The following OTOGL variants were observed in gnomAD, a reference collection of about 807,000 sequenced individuals.
The protein encoded by OTOGL is otogelin like, also known as otogelin-like protein.
In OTOGL, 285 loss-of-function variants were observed where a neutral mutation model predicts 318.5. The ratio of observed to expected loss-of-function variants is 0.89; its 90% CI spans 0.81 to 0.99. The LOEUF (loss-of-function observed/expected upper bound fraction) is 0.99, where lower values mean the gene tolerates loss of function less well. Ranked by LOEUF, OTOGL falls within the 50% of genes least tolerant of loss-of-function variation. The probability of loss-of-function intolerance (pLI) is 0.00; values close to 1 mark genes in which losing one functional copy is unlikely to be tolerated. For missense variants in OTOGL, 2,899 were observed against 2,845.6 expected, an observed-to-expected ratio of 1.02 and a Z score of -0.43; for synonymous variants, 987 against 936.5, an observed-to-expected ratio of 1.05 and a Z score of -0.99.
intron 1 of OTOGL, among the ~76,000 whole-genome samples, chr12:80,107,686 C>T (rs1164982637): frequency 6.6e-6 from 1 of 151,990 alleles, no homozygotes; most frequent in African/African-American, 2.4e-5. Context: ...AAAACAAAGA[C>T]ATGGAATCAA....
chr12:80,189,264 C>A, intron 1 of OTOGL: 1 of 240,346 alleles, frequency 4.2e-6, no homozygotes, highest in Non-Finnish European at 6.7e-6. Context: ...AACTGCTAAA[C>A]ATAATCCAGA....
chr12:80,328,419 A>G (rs2137874421), intron 35 of OTOGL, among the ~76,000 whole-genome samples: 1 of 152,294 alleles, frequency 6.6e-6, no homozygotes, highest in South Asian at 2.1e-4. Context: ...TGCCCCAAAT[A>G]TAAGTGTATG....
chr12:80,199,269 A>G (rs932139998), intron 1 of OTOGL, among the ~76,000 whole-genome samples: 2 of 152,190 alleles, frequency 1.3e-5, no homozygotes, highest in African/African-American at 4.8e-5. Flanking sequence ...AAACATTGAC[A>G]TAAGCTATTT....
Position 80,256,391 on chromosome 12 carries a change from A to G in OTOGL, c.1642A>G (p.Asn548Asp). The G allele has an allele frequency of 6.3e-7, 1 of 1,595,494 alleles. No homozygotes were observed. Residue 548 changes from asparagine (N) to aspartate (D), a missense_variant, in exon 17 of 59, where the codon AAC becomes GAC. By Grantham distance (23) the Asn-to-Asp change is conservative. Transcript: ENST00000547103. ...AACTCTGATTCTGGAGGATGATTTT[A>G]ACAAACAAGTGACCCTTGGTAGGGG... ...SITLILEDDF[N>D]KQVTLGRGGQ...
In OTOGL at chr12:80,313,508, T is replaced by C; in HGVS notation, c.3483T>C (p.His1161=). 1 of 1,612,586 alleles carries C rather than the reference T, an allele frequency of 6.2e-7. No individual in the cohort carries two copies. Among genetic ancestry groups the C allele is most frequent in the East Asian group, 2.2e-5 (1 of 44,804 alleles). ...IDVTSFAKNC[H]EDTCNCNLGG... is the part of the protein sequence containing the mutation. ...TTACTTCTTTTGCCAAAAATTGTCATGAAGATACATGTAACTGCAATCTTG... is the reference window on the plus strand; with the variant it reads ...TTACTTCTTTTGCCAAAAATTGTCACGAAGATACATGTAACTGCAATCTTG... Residue 1161 remains histidine, a synonymous_variant, in exon 31 of 59, where the codon CAT becomes CAC. Transcript: ENST00000547103.
intron 11 of OTOGL, 56 bp downstream of exon 11, chr12:80,239,495 C>T (rs1384020400): frequency 1.6e-6 from 2 of 1,219,212 alleles, no homozygotes; most frequent in Non-Finnish European, 2.3e-6. Context: ...AAAGAAGACC[C>T]ACAACTACTT....
intron 33 of OTOGL, among the ~76,000 whole-genome samples, chr12:80,319,464 A>G (rs529370675): frequency 6.6e-6 from 1 of 152,300 alleles, no homozygotes; most frequent in Non-Finnish European, 1.5e-5. Context: ...AATAAATTAT[A>G]TATTTCCTGT....
chr12:80,112,614 A>G (rs1174341569), intron 1 of OTOGL, among the ~76,000 whole-genome samples: 3 of 151,996 alleles, frequency 2.0e-5, no homozygotes, highest in East Asian at 1.9e-4. Flanking sequence ...GTGGTGGATA[A>G]GCTTTTTGAT....
chr12:80,311,545 C>T (rs1410157800), intron 30 of OTOGL, among the ~76,000 whole-genome samples: 1 of 147,964 alleles, frequency 6.8e-6, no homozygotes, highest in African/African-American at 2.7e-5. Context: ...GCCTCAGCCT[C>T]CCGAGTAGCT....
At chr12:80,215,091 A>G (rs1021944218) in intron 4 of OTOGL, among the ~76,000 whole-genome samples, 2 of 150,298 alleles carry the variant, frequency 1.3e-5, no homozygotes, top group African/African-American at 4.9e-5. Context: ...CAAATTATAT[A>G]TTTTTATCTT....
At chr12:80,115,258 T>C (rs1265955274) in intron 1 of OTOGL, among the ~76,000 whole-genome samples, 1 of 152,128 alleles carries the variant, frequency 6.6e-6, no homozygotes, top group Non-Finnish European at 1.5e-5. Context: ...TTGCTCTTGG[T>C]GAACTTTGGA....
intron 9 of OTOGL, among the ~76,000 whole-genome samples, chr12:80,237,396 T>G (rs1879962715): frequency 6.6e-6 from 1 of 152,058 alleles, no homozygotes; most frequent in Non-Finnish European, 1.5e-5. Context: ...AGCAAGTGTG[T>G]GATTGGTGCT....
At chr12:80,103,854 A>G (rs1869293481) in intron 1 of OTOGL, among the ~76,000 whole-genome samples, 1 of 152,214 alleles carries the variant, frequency 6.6e-6, no homozygotes, top group Non-Finnish European at 1.5e-5. Flanking sequence ...TTTTTAAGAT[A>G]ATATATTCTA....
intron 1 of OTOGL, among the ~76,000 whole-genome samples, chr12:80,186,831 T>A (rs774538981): frequency 6.6e-5 from 10 of 152,138 alleles, no homozygotes; most frequent in Admixed American, 1.3e-4. Flanking sequence ...CATGGAGTGC[T>A]GCCCTCTTTT....
intron 18 of OTOGL, 91 bp from the exon 19 acceptor site, chr12:80,261,878 T>C (rs1555287132): frequency 1.4e-6 from 2 of 1,405,628 alleles, no homozygotes; most frequent in East Asian, 2.5e-5. Context: ...TTGTACATTA[T>C]GAAAAATAGT....
At chr12:80,254,478 C>T (rs747775480) in intron 14 of OTOGL, 46 bp from the exon 15 acceptor site, 4 of 1,483,620 alleles carry the variant, frequency 2.7e-6, no homozygotes, top group South Asian at 1.2e-5. Context: ...AACATTAATA[C>T]AGTTTCTCTA....
intron 29 of OTOGL, among the ~76,000 whole-genome samples, chr12:80,310,041 C>A (rs954119069): frequency 3.3e-5 from 5 of 152,056 alleles, no homozygotes; most frequent in Non-Finnish European, 7.4e-5. Flanking sequence ...TCACCAAAAC[C>A]AAATGAGGAG....
At chr12:80,157,723 A>G (rs781242003) in intron 1 of OTOGL, among the ~76,000 whole-genome samples, 2 of 152,128 alleles carry the variant, frequency 1.3e-5, no homozygotes, top group Non-Finnish European at 2.9e-5. Context: ...TTTGTGAAAA[A>G]TCAGTTCGCT....
chr12:80,184,328 CTTTAA>C (rs1875136148), intron 1 of OTOGL, among the ~76,000 whole-genome samples: 1 of 152,146 alleles, frequency 6.6e-6, no homozygotes, highest in South Asian at 2.1e-4. Flanking sequence ...TAACACATCA[CTTTAA>C]TTTTTTCCTT....
Sources: allele counts gnomAD v4.1 joint callset (sites outside exome capture counted in the v4.1 genomes callset), GRCh38; gene constraint gnomAD v4.1.1; transcripts MANE v1.5; gene names NCBI Gene and HGNC (gene_info 2026-07-23, HGNC 2026-07-21).